NOS1: variants seen among roughly 807,000 people sequenced by gnomAD.
NOS1 encodes NOS type I.
A neutral mutation model predicts 164.5 loss-of-function variants in NOS1; 51 were observed. The observed-to-expected ratio is 0.31, with a 90% CI of 0.25 to 0.39. The LOEUF (loss-of-function observed/expected upper bound fraction) is 0.39. Among genes scored for constraint, NOS1 ranks in the 10% least tolerant of loss-of-function variants. The pLI is 1.00. For synonymous variants in NOS1, 719 were observed against 745.8 expected, an observed-to-expected ratio of 0.96 and a Z score of 0.59; for missense variants, 1,362 against 1,885.6, an observed-to-expected ratio of 0.72 and a Z score of 5.14.
chr12:117,208,481 C>A lies in NOS1; in HGVS notation c.*6828G>T. The A allele has an allele frequency of 1.2e-5, 15 of 1,263,530 alleles. No individual in the cohort carries two copies. The South Asian group carries it at 1.8e-4, about 15-fold the overall frequency. 78.3% of individuals were successfully genotyped at this position (1,263,530 alleles called of 1,614,324 possible). On this transcript the variant is annotated 3_prime_UTR_variant, in exon 29 of 29. Transcript: ENST00000317775. ...CTTCCCAAGCCCGGAACGGACACTGCGACGTGGGGTGCCCGGCACCGCTCT... is the reference window on the plus strand; with the variant it reads ...CTTCCCAAGCCCGGAACGGACACTGAGACGTGGGGTGCCCGGCACCGCTCT...
At chr12:117,274,332 A>T (rs1592976604) in intron 9 of NOS1, among the ~76,000 whole-genome samples, 1 of 152,214 alleles carries the variant, frequency 6.6e-6, no homozygotes, top group South Asian at 2.1e-4. Flanking sequence ...GCAAGGTTGC[A>T]GAGAAAAGGG....
chr12:117,354,020 C>T (rs542167531), intron 1 of NOS1, among the ~76,000 whole-genome samples: 1 of 152,156 alleles, frequency 6.6e-6, no homozygotes, highest in Non-Finnish European at 1.5e-5. Flanking sequence ...AAGGTCATCA[C>T]CCATTTTAGC....
rs1345263968 is a variant in NOS1 at position 117,211,897 on chromosome 12, T to G, written c.*3412A>C. On this transcript the variant is annotated 3_prime_UTR_variant, in exon 29 of 29. Transcript: ENST00000317775. ...CTGGCCAACATGGTGAAACCCTGAC[T>G]CTACTAAAAATACAAAACTTAGCTG... The G allele has an allele frequency of 3.5e-5, 28 of 795,814 alleles. No homozygotes were observed. The highest frequency in any genetic ancestry group is 4.3e-5 in the Non-Finnish European group (28 of 657,552). 49.3% of individuals were successfully genotyped at this position (795,814 alleles called of 1,614,324 possible). A position where few individuals can be genotyped will look rare whatever the true frequency, so the allele number is the denominator to read the frequency against.
At chr12:117,295,023 G>C (rs1873318446) in intron 3 of NOS1, among the ~76,000 whole-genome samples, 1 of 152,188 alleles carries the variant, frequency 6.6e-6, no homozygotes, top group African/African-American at 2.4e-5. Flanking sequence ...AGCTGAGAAT[G>C]CCACTTCCAA....
intron 2 of NOS1, among the ~76,000 whole-genome samples, chr12:117,312,850 C>CT (rs1283588320): frequency 6.6e-6 from 1 of 152,078 alleles, no homozygotes; most frequent in Non-Finnish European, 1.5e-5. Flanking sequence ...AAAGTAGGGG[C>CT]TGTCACTATC....
In NOS1 at chr12:117,242,635, A is replaced by T. The variant is rs1364390605; in HGVS notation, c.3033T>A (p.Pro1011=). The T allele has an allele frequency of 1.9e-6, 3 of 1,614,056 alleles. No homozygotes were observed. Among genetic ancestry groups the T allele is most frequent in the Non-Finnish European group, 2.5e-6 (3 of 1,179,880 alleles). The stretch of plus-strand genomic sequence containing the variant: ...AACCAAGATGTTCCTACCTGGATTT[A>T]GGGCTCTGGAGGTTTTGACGGCTAA... The part of the protein sequence containing the change: ...RLLSRQNLQS[P]KSSRSTIFVR... Residue 1011 remains proline (P), a synonymous_variant, in exon 20 of 29, where the codon CCT becomes CCA. Transcript: ENST00000317775.
chr12:117,327,708 A>C lies in NOS1; in HGVS notation c.725+2637T>G, dbSNP rs370123557. ...CACAATGCTGTGTGTATTCGGTCCA[A>C]GACTTTTGGTCTTCCTCCTCCTGGG... On this transcript the variant is annotated intron_variant, in intron 2 of 28. Coordinates refer to ENST00000317775, the MANE Select transcript of NOS1 (RefSeq NM_000620.5). 8.1e-4 allele frequency among the ~76,000 whole-genome samples: 123 copies of C among 152,310 alleles called. 1 individual carries two copies. Among genetic ancestry groups the C allele is most frequent in the Middle Eastern group, 3.4e-3 (1 of 294 alleles).
intron 2 of NOS1, among the ~76,000 whole-genome samples, chr12:117,311,990 C>A (rs1874455833): frequency 1.3e-5 from 2 of 152,130 alleles, no homozygotes; most frequent in Non-Finnish European, 2.9e-5. Flanking sequence ...CTGTTCATGA[C>A]ACCTACCAGT....
intron 2 of NOS1, among the ~76,000 whole-genome samples, chr12:117,324,566 C>T (rs1344825480): frequency 6.6e-6 from 1 of 151,992 alleles, no homozygotes; most frequent in African/African-American, 2.4e-5. Flanking sequence ...CCTGTTTCTA[C>T]AAAAAATATA....
Position 117,331,074 on chromosome 12 carries a change from A to T in NOS1, c.-5T>A, listed in dbSNP as rs752685400. 1 of 1,604,942 alleles carries T rather than the reference A, an allele frequency of 6.2e-7. No homozygotes were observed. Among genetic ancestry groups the T allele is most frequent in the South Asian group, 1.1e-5 (1 of 89,462 alleles). ...ACCGAACATGTGATCCTCCATGGTA[A>T]CTAGCTTCCGAGGGGTCCTGTCTGA... is the stretch of plus-strand genomic sequence containing the variant. On this transcript the variant is annotated 5_prime_UTR_variant, in exon 2 of 29. Coordinates refer to ENST00000317775, the MANE Select transcript of NOS1 (RefSeq NM_000620.5).
chr12:117,251,477 ATCATGG>A (rs1871097146), intron 17 of NOS1, among the ~76,000 whole-genome samples: 1 of 152,076 alleles, frequency 6.6e-6, no homozygotes, highest in Non-Finnish European at 1.5e-5. Flanking sequence ...TAGTAGCGTG[ATCATGG>A]CTCACCATAG....
At chr12:117,267,448 G>A (rs989893437) in intron 11 of NOS1, among the ~76,000 whole-genome samples, 4 of 152,102 alleles carry the variant, frequency 2.6e-5, no homozygotes, top group South Asian at 2.1e-4. Flanking sequence ...TTAGCTGGGC[G>A]CGGTGGTGGG....
intron 25 of NOS1, among the ~76,000 whole-genome samples, chr12:117,224,044 A>G (rs140351431): frequency 2.0e-5 from 3 of 152,312 alleles, no homozygotes; most frequent in African/African-American, 7.2e-5. Flanking sequence ...AAACATTACA[A>G]CTCTGCCTGA....
chr12:117,310,023 C>T (rs918402267), intron 3 of NOS1, among the ~76,000 whole-genome samples: 3 of 152,198 alleles, frequency 2.0e-5, no homozygotes, highest in Non-Finnish European at 4.4e-5. Flanking sequence ...TCTCCCACCT[C>T]GGTCTCCAGG....
At chr12:117,276,827 A>T (rs4766840) in intron 9 of NOS1, among the ~76,000 whole-genome samples, 1 of 152,216 alleles carries the variant, frequency 6.6e-6, no homozygotes, top group African/African-American at 2.4e-5. Flanking sequence ...TCTTTTTTGC[A>T]GCTGTATAGT....
rs963647536 is a variant in NOS1 at position 117,215,002 on chromosome 12, G to A, written c.*307C>T. On this transcript the variant is annotated 3_prime_UTR_variant, in exon 29 of 29. Coordinates refer to ENST00000317775, the MANE Select transcript of NOS1 (RefSeq NM_000620.5). The stretch of plus-strand genomic sequence containing the variant: ...CCCCAGAGAAAAAAACCCCCACAGC[G>A]ACGGCCATGTTCCAGTGGTTTCATG... 7.0e-6 allele frequency: 8 copies of A among 1,147,022 alleles called. No individual in the cohort carries two copies. Among genetic ancestry groups the A allele is most frequent in the African/African-American group, 6.4e-5 (4 of 62,440 alleles). 71.1% of individuals were successfully genotyped at this position (1,147,022 alleles called of 1,614,324 possible). A position where few individuals can be genotyped will look rare whatever the true frequency, so the allele number is the denominator to read the frequency against.
intron 1 of NOS1, among the ~76,000 whole-genome samples, chr12:117,351,127 G>GAAA (rs952249142): frequency 1.3e-5 from 2 of 148,932 alleles, no homozygotes; most frequent in African/African-American, 4.9e-5. Context: ...AGAAGAAGAA[G>GAAA]AAAAAAAAAA....
intron 24 of NOS1, among the ~76,000 whole-genome samples, chr12:117,226,386 TGAAGGTG>T (rs1868675275): frequency 2.0e-5 from 3 of 152,138 alleles, no homozygotes; most frequent in Admixed American, 2.0e-4. Flanking sequence ...ATACGGTCCA[TGAAGGTG>T]GAGACTGTAT....
chr12:117,258,857 T>A (rs1194995311), intron 15 of NOS1, among the ~76,000 whole-genome samples, 169 bp downstream of exon 15: 1 of 152,204 alleles, frequency 6.6e-6, no homozygotes, highest in East Asian at 1.9e-4. Flanking sequence ...GACTGAGTAC[T>A]TGGAATTGTC....
Sources: allele counts gnomAD v4.1 joint callset (sites outside exome capture counted in the v4.1 genomes callset), GRCh38; gene constraint gnomAD v4.1.1; transcripts MANE v1.5; gene names NCBI Gene and HGNC (gene_info 2026-07-23, HGNC 2026-07-21).